The following PPFIA2 variants were observed in gnomAD, a reference collection of about 807,000 sequenced individuals.
PPFIA2 encodes PPFI scaffold protein A2.
A neutral mutation model predicts 175.5 loss-of-function variants in PPFIA2; 46 were observed. The observed-to-expected ratio is 0.26, with a 90% CI of 0.21 to 0.34. The LOEUF (loss-of-function observed/expected upper bound fraction) is 0.34, where lower values mean the gene tolerates loss of function less well. PPFIA2 is among the 10% of genes least tolerant of loss of function. The pLI, the probability that PPFIA2 is intolerant of heterozygous loss-of-function variation, is 1.00. For synonymous variants in PPFIA2, 568 were observed against 511.4 expected, an observed-to-expected ratio of 1.11 and a Z score of -1.49; for missense variants, 1,179 against 1,506.1, an observed-to-expected ratio of 0.78 and a Z score of 3.60.
At chr12:81,260,101 G>T (rs1259198215) in intron 32 of PPFIA2, 1 of 153,276 alleles carries the variant, frequency 6.5e-6, no homozygotes, top group Admixed American at 6.5e-5. Flanking sequence ...GTAAACGTTT[G>T]TGTCAGTAGT....
At chr12:81,383,922 T>G in intron 9 of PPFIA2, 101 bp downstream of exon 9, 2 of 923,542 alleles carry the variant, frequency 2.2e-6, no homozygotes, top group Non-Finnish European at 3.3e-6. Context: ...TATGGTCTTT[T>G]GAGAAGTAAA....
chr12:81,432,741 G>A (rs974185079), intron 7 of PPFIA2, among the ~76,000 whole-genome samples: 2 of 152,068 alleles, frequency 1.3e-5, no homozygotes, highest in African/African-American at 4.8e-5. Context: ...ACAGGCGTGA[G>A]CCACTACGCC....
At chr12:81,618,899 C>G (rs978652890) in intron 4 of PPFIA2, among the ~76,000 whole-genome samples, 6 of 152,122 alleles carry the variant, frequency 3.9e-5, no homozygotes, top group South Asian at 2.1e-4. Context: ...TTCATTAATT[C>G]AACAATTATT....
chr12:81,732,682 A>T (rs2081076921), intron 3 of PPFIA2, among the ~76,000 whole-genome samples: 1 of 151,602 alleles, frequency 6.6e-6, no homozygotes, highest in Non-Finnish European at 1.5e-5. Context: ...GAAATAAAAA[A>T]TTAATGACAT....
At chr12:81,477,407 T>C (rs1280435674) in intron 4 of PPFIA2, among the ~76,000 whole-genome samples, 1 of 152,186 alleles carries the variant, frequency 6.6e-6, no homozygotes, top group Non-Finnish European at 1.5e-5. Context: ...TACAAAATGA[T>C]ATATTCCACC....
At chr12:81,749,611 A>G (rs1219042934) in intron 3 of PPFIA2, among the ~76,000 whole-genome samples, 1 of 144,364 alleles carries the variant, frequency 6.9e-6, no homozygotes, top group African/African-American at 2.4e-5. Flanking sequence ...AATTACTCTA[A>G]TTATCCTAAT....
intron 4 of PPFIA2, among the ~76,000 whole-genome samples, chr12:81,460,966 C>T (rs913340229): frequency 7.9e-5 from 12 of 151,912 alleles, no homozygotes; most frequent in African/African-American, 2.7e-4. Context: ...TGTTTGTTTC[C>T]CCTGACCACA....
chr12:81,606,991 A>C (rs1213798765), intron 4 of PPFIA2, among the ~76,000 whole-genome samples: 1 of 152,076 alleles, frequency 6.6e-6, no homozygotes, highest in Non-Finnish European at 1.5e-5. Flanking sequence ...ATTTTTATAT[A>C]AGGTGGGAGG....
chr12:81,649,898 A>G (rs2066750689), intron 4 of PPFIA2, among the ~76,000 whole-genome samples: 1 of 152,240 alleles, frequency 6.6e-6, no homozygotes, highest in African/African-American at 2.4e-5. Flanking sequence ...GTCTGACTCA[A>G]AAGGGGCCCA....
intron 21 of PPFIA2, 134 bp from the exon 22 acceptor site, chr12:81,326,004 A>G (rs545197188): frequency 8.3e-6 from 5 of 604,018 alleles, no homozygotes; most frequent in Non-Finnish European, 1.5e-5. Flanking sequence ...TACTAACCCA[A>G]GATGCATAAA....
At chr12:81,387,110 A>G (rs1313037963) in intron 8 of PPFIA2, among the ~76,000 whole-genome samples, 1 of 152,070 alleles carries the variant, frequency 6.6e-6, no homozygotes, top group Non-Finnish European at 1.5e-5. Context: ...TTCACAAGAA[A>G]TGAAAGCCTT....
chr12:81,525,691 G>A (rs150786633), intron 4 of PPFIA2, among the ~76,000 whole-genome samples: 5 of 152,004 alleles, frequency 3.3e-5, no homozygotes, highest in African/African-American at 1.2e-4. Context: ...TAAATGTGTG[G>A]TGATTTATTT....
At chr12:81,287,220 A>G (rs2043668874) in intron 24 of PPFIA2, among the ~76,000 whole-genome samples, 1 of 151,946 alleles carries the variant, frequency 6.6e-6, no homozygotes, top group Non-Finnish European at 1.5e-5. Context: ...TCAATTTTAC[A>G]CTGATTTGTG....
chr12:81,535,503 T>C lies in PPFIA2; in HGVS notation c.304-77637A>G, dbSNP rs188357432. 9 of 454,370 alleles carry C rather than the reference T, an allele frequency of 2.0e-5. No individual in the cohort carries two copies. In the East Asian group the frequency reaches 2.1e-4, roughly 11 times the overall value. 28.1% of individuals were successfully genotyped at this position (454,370 alleles called of 1,614,324 possible). ...CTGTAGCAGGTGCCATGAGATCAGGTTGAGACACCTAAAATGAAGAACATC... is the reference window on the plus strand; with the variant it reads ...CTGTAGCAGGTGCCATGAGATCAGGCTGAGACACCTAAAATGAAGAACATC... On this transcript the variant is annotated intron_variant, in intron 4 of 32. Coordinates refer to ENST00000549396, the MANE Select transcript of PPFIA2 (RefSeq NM_003625.5).
chr12:81,661,465 A>G (rs1454060987), intron 4 of PPFIA2, among the ~76,000 whole-genome samples: 4 of 152,336 alleles, frequency 2.6e-5, no homozygotes, highest in South Asian at 4.1e-4. Context: ...CCATTACATA[A>G]TGGTAAAGGG....
At chr12:81,311,465 G>A (rs2050773332) in intron 22 of PPFIA2, among the ~76,000 whole-genome samples, 1 of 152,126 alleles carries the variant, frequency 6.6e-6, no homozygotes, top group African/African-American at 2.4e-5. Flanking sequence ...CCGGCGTGGT[G>A]GCTCACGCCT....
intron 4 of PPFIA2, among the ~76,000 whole-genome samples, chr12:81,514,173 C>T (rs1186915836): frequency 2.0e-5 from 3 of 151,816 alleles, no homozygotes; most frequent in Admixed American, 1.3e-4. Flanking sequence ...AGTCAAGTTC[C>T]CCCCCTGAAC....
At chr12:81,526,695 T>C (rs1292621377) in intron 4 of PPFIA2, among the ~76,000 whole-genome samples, 1 of 152,214 alleles carries the variant, frequency 6.6e-6, no homozygotes, top group Non-Finnish European at 1.5e-5. Flanking sequence ...AATAGAACAC[T>C]ATGACTTTTT....
At chr12:81,625,355 T>C (rs1478206163) in intron 4 of PPFIA2, among the ~76,000 whole-genome samples, 4 of 151,946 alleles carry the variant, frequency 2.6e-5, no homozygotes, top group Non-Finnish European at 4.4e-5. Context: ...GTCTATAATG[T>C]GTTTGATTTG....
Sources: gnomAD v4.1 joint callset for allele counts (sites outside exome capture counted in the v4.1 genomes callset) on GRCh38, gnomAD v4.1.1 for gene constraint, MANE v1.5 for transcripts, NCBI Gene and HGNC (gene_info 2026-07-23, HGNC 2026-07-21) for gene names.